The following WDPCP variants were observed in gnomAD, a reference collection of about 807,000 sequenced individuals.
The protein encoded by WDPCP is WD repeat-containing and planar cell polarity effector protein fritz homolog.
A neutral mutation model predicts 93.1 loss-of-function variants in WDPCP; 71 were observed. That is an observed-to-expected ratio of 0.76 (90% CI 0.63 to 0.93). The LOEUF (loss-of-function observed/expected upper bound fraction) is 0.93. Ranked by LOEUF, WDPCP falls within the 40% of genes least tolerant of loss-of-function variation. The probability of loss-of-function intolerance (pLI) is 0.00; values close to 1 mark genes in which losing one functional copy is unlikely to be tolerated. For synonymous variants in WDPCP, 315 were observed against 315.0 expected (o/e 1.00, Z 0.00); for missense variants, 844 against 887.4 (o/e 0.95, Z 0.62).
chr2:63,512,284 C>T (rs1702282639), intron 1 of WDPCP, among the ~76,000 whole-genome samples: 1 of 152,306 alleles, frequency 6.6e-6, no homozygotes, highest in Non-Finnish European at 1.5e-5. Context: ...CGCTTTTACA[C>T]TGTTGGTGGG....
At chr2:63,541,043 C>T (rs1704681063) in intron 1 of WDPCP, among the ~76,000 whole-genome samples, 1 of 152,108 alleles carries the variant, frequency 6.6e-6, no homozygotes. Flanking sequence ...AGCATGATCT[C>T]GGCTCATTGA....
intron 2 of WDPCP, among the ~76,000 whole-genome samples, chr2:63,778,803 G>A (rs752316400): frequency 4.6e-5 from 7 of 152,162 alleles, no homozygotes; most frequent in African/African-American, 7.2e-5. Flanking sequence ...GAGAATCTCC[G>A]CATCCTCTAT....
chr2:63,588,405 C>G lies in WDPCP; in HGVS notation c.-134G>C. 1.9e-6 allele frequency: 2 copies of G among 1,068,784 alleles called. 1 individual carries two copies. 66.2% of individuals were successfully genotyped at this position (1,068,784 alleles called of 1,614,324 possible). On this transcript the variant is annotated 5_prime_UTR_variant, in exon 1 of 18. Transcript: ENST00000272321. Reference sequence around the variant, plus strand: ...CACAGTTTCCTCAGGTGCTACAAAGCAGCCAGGGTGTGCGTGCGCTCCCGC... The same window carrying G: ...CACAGTTTCCTCAGGTGCTACAAAGGAGCCAGGGTGTGCGTGCGCTCCCGC...
At chr2:63,303,375 G>A (rs1248113173) in intron 13 of WDPCP, among the ~76,000 whole-genome samples, 1 of 152,088 alleles carries the variant, frequency 6.6e-6, no homozygotes, top group Non-Finnish European at 1.5e-5. Flanking sequence ...ACGTGGGTTG[G>A]CCTTTACCTT....
rs1709749142 is a variant in WDPCP, at chr2:63,622,208, G to C, written n.488+28451C>G. 23 of 1,602,820 alleles carry C rather than the reference G, an allele frequency of 1.4e-5. No homozygotes were observed. In the South Asian group the frequency reaches 2.2e-4, roughly 16 times the overall value. ...ACTGTTGCTGCTGCTGCTGCTTCTTGGTGGCCGCCTTGCTGGCGAGGTCCT... is the reference window on the plus strand; with the variant it reads ...ACTGTTGCTGCTGCTGCTGCTTCTTCGTGGCCGCCTTGCTGGCGAGGTCCT... On this transcript the variant is annotated intron_variant and non_coding_transcript_variant, in intron 3 of 4. Coordinates refer to the WDPCP transcript ENST00000467687.
At chr2:63,317,964 C>A (rs758774454) in intron 12 of WDPCP, among the ~76,000 whole-genome samples, 20 of 151,994 alleles carry the variant, frequency 1.3e-4, no homozygotes, top group Non-Finnish European at 2.6e-4. Flanking sequence ...AAGAAACTAT[C>A]AAAAAAGTAA....
intron 12 of WDPCP, among the ~76,000 whole-genome samples, chr2:63,364,057 A>T (rs2104696678): frequency 6.6e-6 from 1 of 152,314 alleles, no homozygotes; most frequent in Non-Finnish European, 1.5e-5. Context: ...TCTTTAAAAA[A>T]AAATACTCAA....
intron 9 of WDPCP, among the ~76,000 whole-genome samples, chr2:63,427,555 C>T (rs1295261285): frequency 6.6e-6 from 1 of 152,100 alleles, no homozygotes; most frequent in Non-Finnish European, 1.5e-5. Flanking sequence ...AACAGAGACA[C>T]AACATACAAA....
intron 3 of WDPCP, among the ~76,000 whole-genome samples, chr2:63,607,385 A>AAATT (rs1709553905): frequency 6.6e-6 from 1 of 151,984 alleles, no homozygotes; most frequent in African/African-American, 2.4e-5. Flanking sequence ...AAAAATACAA[A>AAATT]AATTAGCCAG....
chr2:63,254,303 T>G lies in WDPCP; in HGVS notation c.1915+5004A>C, dbSNP rs951073189. Among the ~76,000 whole-genome samples, 7 of 152,094 alleles carry G rather than the reference T, an allele frequency of 4.6e-5. No individual in the cohort carries two copies. In the South Asian group the frequency reaches 1.0e-3, roughly 23 times the overall value. ...TTACTACCTGGGTGATGGGGATCAT[T>G]CATACCCCAAATCTTAGCATCATGC... On this transcript the variant is annotated intron_variant, in intron 14 of 17. Transcript: ENST00000272321.
At chr2:63,701,177 T>A (rs1043020349) in intron 2 of WDPCP, among the ~76,000 whole-genome samples, 2 of 151,980 alleles carry the variant, frequency 1.3e-5, no homozygotes, top group South Asian at 4.1e-4. Flanking sequence ...AATAATACAA[T>A]TTAAAAATGG....
chr2:63,643,628 C>A, intron 3 of WDPCP: 1 of 449,860 alleles, frequency 2.2e-6, no homozygotes. Flanking sequence ...TCATGAATCA[C>A]CAGATGAGGA....
intron 2 of WDPCP, among the ~76,000 whole-genome samples, chr2:63,775,814 T>C (rs1442448704): frequency 6.6e-6 from 1 of 152,190 alleles, no homozygotes; most frequent in Admixed American, 6.6e-5. Flanking sequence ...AAAATCATCT[T>C]TGAAGTTTTA....
At chr2:63,731,067 G>A (rs922071148) in intron 2 of WDPCP, among the ~76,000 whole-genome samples, 4 of 152,016 alleles carry the variant, frequency 2.6e-5, no homozygotes, top group Non-Finnish European at 4.4e-5. Flanking sequence ...TCAGGAGATC[G>A]AGACAATCCT....
intron 14 of WDPCP, among the ~76,000 whole-genome samples, chr2:63,227,010 CT>C (rs1009192106): frequency 2.6e-5 from 4 of 151,788 alleles, no homozygotes; most frequent in African/African-American, 9.7e-5. Context: ...CCAAACACTT[CT>C]TTTTTGATTA....
At chr2:63,200,117 T>C (rs1184511292) in intron 14 of WDPCP, among the ~76,000 whole-genome samples, 1 of 152,214 alleles carries the variant, frequency 6.6e-6, no homozygotes, top group Non-Finnish European at 1.5e-5. Flanking sequence ...ATGGGTGTAT[T>C]TATCCAATGC....
intron 11 of WDPCP, among the ~76,000 whole-genome samples, chr2:63,380,399 C>T (rs1204704651): frequency 6.6e-6 from 1 of 151,922 alleles, no homozygotes; most frequent in East Asian, 1.9e-4. Flanking sequence ...CATTGAGTAC[C>T]GAAGTAGTGG....
intron 15 of WDPCP, among the ~76,000 whole-genome samples, chr2:63,161,190 T>C (rs992284163): frequency 6.6e-6 from 1 of 152,358 alleles, no homozygotes; most frequent in South Asian, 2.1e-4. Flanking sequence ...CTCTGCCATA[T>C]CTGCAGAAGG....
chr2:63,431,583 C>T (rs2105447416), intron 9 of WDPCP, among the ~76,000 whole-genome samples: 1 of 151,402 alleles, frequency 6.6e-6, no homozygotes, highest in Non-Finnish European at 1.5e-5. Context: ...AGGAATATGC[C>T]TGAATACTAC....
Sources: allele counts gnomAD v4.1 joint callset (sites outside exome capture counted in the v4.1 genomes callset), GRCh38; gene constraint gnomAD v4.1.1; transcripts MANE v1.5; gene names NCBI Gene and HGNC (gene_info 2026-07-23, HGNC 2026-07-21).